The following HECTD2 variants were observed in gnomAD, a reference collection of about 807,000 sequenced individuals.
The protein encoded by HECTD2 is HECT domain E3 ubiquitin protein ligase 2.
Under a neutral mutation model 103.2 loss-of-function variants are expected in HECTD2, and 35 were observed. That is an observed-to-expected ratio of 0.34 (90% CI 0.26 to 0.45). The LOEUF (loss-of-function observed/expected upper bound fraction) is 0.45. Among genes scored for constraint, HECTD2 ranks in the 20% least tolerant of loss-of-function variants. The probability of loss-of-function intolerance (pLI) is 1.00; values close to 1 mark genes in which losing one functional copy is unlikely to be tolerated. For synonymous variants in HECTD2, 281 were observed against 329.9 expected (o/e 0.85, Z 1.61); for missense variants, 596 against 937.4 (o/e 0.64, Z 4.76).
chr10:91,430,327 G>C (rs1487755117), intron 2 of HECTD2, among the ~76,000 whole-genome samples: 1 of 152,078 alleles, frequency 6.6e-6, no homozygotes, highest in Admixed American at 6.6e-5. Context: ...AATAGGTGTG[G>C]TGTGGTGCTG....
chr10:91,414,344 A>T (rs920382569), intron 1 of HECTD2, among the ~76,000 whole-genome samples: 8 of 152,210 alleles, frequency 5.3e-5, no homozygotes, highest in African/African-American at 1.9e-4. Context: ...AGAGAATTTG[A>T]TGGAAAGTTT....
intron 20 of HECTD2, among the ~76,000 whole-genome samples, chr10:91,503,901 G>T (rs1013387678): frequency 1.3e-5 from 2 of 152,152 alleles, no homozygotes; most frequent in African/African-American, 4.8e-5. Context: ...AAGAGAGCAG[G>T]GGTTCTCCTA....
intron 2 of HECTD2, among the ~76,000 whole-genome samples, chr10:91,430,179 T>G (rs2133059981): frequency 6.6e-6 from 1 of 152,342 alleles, no homozygotes; most frequent in South Asian, 2.1e-4. Flanking sequence ...TTCCATGTAG[T>G]TGAGCAGTTT....
chr10:91,427,692 GTTGT>G (rs1409012902), intron 2 of HECTD2, among the ~76,000 whole-genome samples: 3 of 152,102 alleles, frequency 2.0e-5, no homozygotes, highest in Admixed American at 6.6e-5. Flanking sequence ...TTTTGATGGG[GTTGT>G]TTGTTTTTTT....
At chr10:91,420,643 C>G (rs1174932839) in intron 1 of HECTD2, among the ~76,000 whole-genome samples, 1 of 151,560 alleles carries the variant, frequency 6.6e-6, no homozygotes, top group East Asian at 1.9e-4. Context: ...CTCCTTTTGG[C>G]AAAAGAGAAT....
rs1010973965 is a variant in HECTD2 at position 91,410,350 on chromosome 10, C to T, written c.-89C>T. The T allele has an allele frequency of 1.1e-5, 9 of 830,894 alleles. No individual in the cohort carries two copies. Among genetic ancestry groups the T allele is most frequent in the African/African-American group, 1.9e-5 (1 of 53,488 alleles). 51.5% of individuals were successfully genotyped at this position (830,894 alleles called of 1,614,324 possible). ...CGGCTAGAAGCGGCAGCCCAGAGCC[C>T]TCTCGCGGCCGCGGCGGCAGCAGCA... On this transcript the variant is annotated 5_prime_UTR_variant, in exon 1 of 21. Coordinates refer to ENST00000298068, the MANE Select transcript of HECTD2 (RefSeq NM_182765.6).
At chr10:91,450,076 T>C (rs180677558) in intron 2 of HECTD2, among the ~76,000 whole-genome samples, 2,168 of 152,144 alleles carry the variant, frequency 0.014, 45 homozygotes, top group African/African-American at 0.049. Flanking sequence ...GTCAAGACAA[T>C]CCTAAGCAAA....
At chr10:91,511,838 T>TGGTTATTAAACAACCTGATTA in intron 20 of HECTD2, among the ~76,000 whole-genome samples, 1 of 152,148 alleles carries the variant, frequency 6.6e-6, no homozygotes, top group Non-Finnish European at 1.5e-5. Context: ...TGGGAACTCC[T>TGGTTATTAAACAACCTGATTA]GGTTATTAAA....
chr10:91,485,480 G>T, intron 10 of HECTD2, 177 bp downstream of exon 10: 1 of 490,862 alleles, frequency 2.0e-6, no homozygotes, highest in Non-Finnish European at 3.4e-6. Flanking sequence ...GCTACATTTT[G>T]AATTTATGTA....
intron 2 of HECTD2, among the ~76,000 whole-genome samples, chr10:91,436,901 G>T (rs1397385252): frequency 6.6e-6 from 1 of 151,826 alleles, no homozygotes; most frequent in Non-Finnish European, 1.5e-5. Flanking sequence ...TGTTCTGTTT[G>T]TCCTTATAGA....
chr10:91,476,213 TG>T (rs1246091536), intron 5 of HECTD2, among the ~76,000 whole-genome samples: 2 of 152,084 alleles, frequency 1.3e-5, no homozygotes, highest in Non-Finnish European at 2.9e-5. Context: ...TGAGAGGGGA[TG>T]GGATGTAGGA....
At chr10:91,459,772 T>G (rs1845265092) in intron 2 of HECTD2, among the ~76,000 whole-genome samples, 1 of 152,136 alleles carries the variant, frequency 6.6e-6, no homozygotes, top group Admixed American at 6.5e-5. Context: ...TAATACTATA[T>G]TTTTACTATA....
chr10:91,494,649 T>A (rs571784306), intron 14 of HECTD2, among the ~76,000 whole-genome samples: 37 of 152,150 alleles, frequency 2.4e-4, no homozygotes, highest in Non-Finnish European at 4.0e-4. Flanking sequence ...TATTGTTGTG[T>A]CTAAAGGTCC....
At chr10:91,434,813 C>G (rs1589476881) in intron 2 of HECTD2, among the ~76,000 whole-genome samples, 1 of 152,000 alleles carries the variant, frequency 6.6e-6, no homozygotes, top group East Asian at 1.9e-4. Context: ...CTGTACAATC[C>G]TAGAAAATTT....
At chr10:91,421,930 A>G (rs1843375141) in intron 1 of HECTD2, among the ~76,000 whole-genome samples, 1 of 152,178 alleles carries the variant, frequency 6.6e-6, no homozygotes, top group Non-Finnish European at 1.5e-5. Flanking sequence ...GCTGTTAACA[A>G]TTTGGTCATT....
chr10:91,426,023 A>G (rs1334148961), intron 2 of HECTD2, among the ~76,000 whole-genome samples: 1 of 152,046 alleles, frequency 6.6e-6, no homozygotes. Flanking sequence ...AGAATATGAT[A>G]TGTATGTAAA....
At chr10:91,479,399 T>A (rs1425382819) in intron 6 of HECTD2, among the ~76,000 whole-genome samples, 1 of 152,208 alleles carries the variant, frequency 6.6e-6, no homozygotes, top group Non-Finnish European at 1.5e-5. Flanking sequence ...AAAAAATGTT[T>A]ACATTTTACA....
At chr10:91,477,650 AATAT>A (rs1181396310) in intron 5 of HECTD2, among the ~76,000 whole-genome samples, 1 of 152,206 alleles carries the variant, frequency 6.6e-6, no homozygotes, top group African/African-American at 2.4e-5. Context: ...ATAAAAGCAT[AATAT>A]ATGTGTATTG....
At position 91,487,788 on chromosome 10, in the gene HECTD2, CT is replaced by C; in HGVS notation, c.1191+11del. 1 of 1,476,830 alleles carries C rather than the reference CT, an allele frequency of 6.8e-7. No homozygotes were observed. Among genetic ancestry groups the C allele is most frequent in the Non-Finnish European group, 9.4e-7 (1 of 1,062,744 alleles). 91.5% of individuals were successfully genotyped at this position (1,476,830 alleles called of 1,614,324 possible). ...GATAAACATCGCAAGGGTAAGTCAG[CT>C]ATAAAAACATATTTATGCTGACTAT... On this transcript the variant is annotated intron_variant, in intron 11 of 20. Coordinates refer to ENST00000298068, the MANE Select transcript of HECTD2 (RefSeq NM_182765.6). The surrounding 1 kb of genome is among the most constrained non-coding windows in gnomAD (Gnocchi z 4.1).
Sources: gnomAD v4.1 joint callset for allele counts (sites outside exome capture counted in the v4.1 genomes callset) on GRCh38, gnomAD v4.1.1 for gene constraint, Gnocchi (gnomAD v3.1) non-coding constraint, MANE v1.5 for transcripts, NCBI Gene and HGNC (gene_info 2026-07-23, HGNC 2026-07-21) for gene names.